Variants in PDE11A observed in about 807,000 individuals in gnomAD.
PDE11A encodes phosphodiesterase 11A, also known as dual 3',5'-cyclic-AMP and -GMP phosphodiesterase 11A.
In PDE11A, 100 loss-of-function variants were observed where a neutral mutation model predicts 100.5. The ratio of observed to expected loss-of-function variants is 1.00; its 90% CI spans 0.85 to 1.18. The LOEUF is 1.18. Ranked by LOEUF, PDE11A falls within the 50% of genes most tolerant of loss-of-function variation. PDE11A has a pLI of 0.00. For synonymous variants in PDE11A, 381 were observed against 420.8 expected (o/e 0.91, Z 1.16); for missense variants, 1,141 against 1,152.6 (o/e 0.99, Z 0.15).
At chr2:177,684,693 A>T (rs1266608190) in intron 15 of PDE11A, among the ~76,000 whole-genome samples, 1 of 152,194 alleles carries the variant, frequency 6.6e-6, no homozygotes, top group African/African-American at 2.4e-5. Context: ...TGTAGGGTTG[A>T]TGGGAGGATC....
At chr2:177,795,896 T>C (rs1397321239) in intron 9 of PDE11A, among the ~76,000 whole-genome samples, 1 of 140,716 alleles carries the variant, frequency 7.1e-6, no homozygotes, top group Non-Finnish European at 1.5e-5. Context: ...ATGTTGTCTC[T>C]GGGGATTGTA....
intron 9 of PDE11A, among the ~76,000 whole-genome samples, chr2:177,790,409 A>C (rs62184505): frequency 0.16 from 24,098 of 150,988 alleles, 2,035 homozygotes; most frequent in East Asian, 0.31. Flanking sequence ...TAAAGACTTA[A>C]ATGTTAGACC....
intron 2 of PDE11A, among the ~76,000 whole-genome samples, chr2:178,078,062 G>T (rs1435572): frequency 0.45 from 68,309 of 151,776 alleles, 16,788 homozygotes; most frequent in East Asian, 0.6. Flanking sequence ...GGAAACGAAT[G>T]CAAGAGCTTT....
chr2:177,644,555 G>A (rs2080194029), intron 19 of PDE11A, among the ~76,000 whole-genome samples: 1 of 152,172 alleles, frequency 6.6e-6, no homozygotes. Context: ...TAGGCAGAAG[G>A]GATTTGCCTT....
intron 2 of PDE11A, among the ~76,000 whole-genome samples, chr2:177,906,536 AAGCT>A (rs1225065731): frequency 2.0e-5 from 3 of 152,184 alleles, no homozygotes; most frequent in Non-Finnish European, 4.4e-5. Context: ...ATAAAAACTA[AAGCT>A]ATGACCTCAT....
chr2:177,927,838 C>T (rs2105760645), intron 2 of PDE11A, among the ~76,000 whole-genome samples: 1 of 152,258 alleles, frequency 6.6e-6, no homozygotes, highest in African/African-American at 2.4e-5. Flanking sequence ...GATACGGTGG[C>T]TCATGCCTGT....
intron 2 of PDE11A, among the ~76,000 whole-genome samples, chr2:177,926,305 G>A (rs2105759192): frequency 6.6e-6 from 1 of 152,196 alleles, no homozygotes; most frequent in East Asian, 1.9e-4. Context: ...AGGAATTTAT[G>A]TTTTCCTTCT....
intron 1 of PDE11A, among the ~76,000 whole-genome samples, chr2:178,063,811 T>G (rs1330711637): frequency 4.6e-5 from 7 of 152,180 alleles, no homozygotes; most frequent in African/African-American, 7.2e-5. Context: ...GGAGGGGCAT[T>G]CTCTCCAGGG....
At chr2:177,773,170 A>C (rs147224369) in intron 9 of PDE11A, among the ~76,000 whole-genome samples, 1 of 152,224 alleles carries the variant, frequency 6.6e-6, no homozygotes, top group Non-Finnish European at 1.5e-5. Context: ...ACAGGAACAC[A>C]CCACCACGCC....
intron 2 of PDE11A, among the ~76,000 whole-genome samples, chr2:177,919,619 A>G (rs1388286270): frequency 6.6e-6 from 1 of 152,168 alleles, no homozygotes; most frequent in Non-Finnish European, 1.5e-5. Context: ...TGGCTATAAA[A>G]TTTTTAATAA....
rs1485484618 is a variant in PDE11A, at chr2:177,626,357, A to G, written c.*3050T>C. On this transcript the variant is annotated 3_prime_UTR_variant, in exon 20 of 20. Transcript: ENST00000286063. ...ATTTGTCTGGGCTATTTATTTATTT[A>G]TTGTTGGGGAGGATAACAGATGTGG... The G allele has an allele frequency of 6.6e-6, 1 of 152,548 alleles. No homozygotes were observed. The highest frequency in any genetic ancestry group is 1.5e-5 in the Non-Finnish European group (1 of 68,026). 9.4% of individuals were successfully genotyped at this position (152,548 alleles called of 1,614,324 possible). A position where few individuals can be genotyped will look rare whatever the true frequency, so the allele number is the denominator to read the frequency against.
At chr2:177,904,556 C>CT (rs11333208) in intron 3 of PDE11A, among the ~76,000 whole-genome samples, 3,103 of 133,082 alleles carry the variant, frequency 0.023, 58 homozygotes, top group South Asian at 0.043. Context: ...TATTAATCTC[C>CT]TTTTTTTTTT....
intron 9 of PDE11A, among the ~76,000 whole-genome samples, chr2:177,786,542 G>C (rs769594516): frequency 6.6e-6 from 1 of 152,238 alleles, no homozygotes; most frequent in Non-Finnish European, 1.5e-5. Context: ...GACGGAGAAT[G>C]ACTTTGACGA....
Position 178,071,660 on chromosome 2 carries a change from C to T in PDE11A, c.778G>A (p.Val260Met), listed in dbSNP as rs1231208480. 1 of 1,613,460 alleles carries T rather than the reference C, an allele frequency of 6.2e-7. No individual in the cohort carries two copies. Among genetic ancestry groups the T allele is most frequent in the Non-Finnish European group, 8.5e-7 (1 of 1,179,376 alleles). ...GGCAGCAGAGGTGTTCCTGCATGCA[C>T]ATCAAAGAATTTGGAGACCAAGGTC... Reference protein sequence around the residue: ...KKTLVSKFFDVHAGTPLLPCS... With the variant: ...KKTLVSKFFDMHAGTPLLPCS... Residue 260 changes from valine to methionine, a missense_variant, in exon 1 of 20, where the codon GTG becomes ATG. Physicochemically the swap from Val to Met is conservative, Grantham distance 21. Transcript: ENST00000286063.
At chr2:177,804,766 A>G (rs557590831) in intron 9 of PDE11A, among the ~76,000 whole-genome samples, 29 of 152,064 alleles carry the variant, frequency 1.9e-4, no homozygotes, top group African/African-American at 6.5e-4. Flanking sequence ...GAATGAAACT[A>G]TGTCTTTTGC....
intron 14 of PDE11A, 32 bp from the exon 15 acceptor site, chr2:177,697,464 C>T (rs1329541885): frequency 2.0e-6 from 2 of 1,020,056 alleles, no homozygotes; most frequent in South Asian, 1.3e-5. Context: ...TCACAAAAGA[C>T]ATTAAATCTG....
chr2:177,981,684 T>C (rs2085884069), intron 2 of PDE11A, among the ~76,000 whole-genome samples: 1 of 150,874 alleles, frequency 6.6e-6, no homozygotes. Flanking sequence ...TCAACTTATC[T>C]TTTGCAGGGG....
intron 1 of PDE11A, among the ~76,000 whole-genome samples, chr2:178,046,209 TG>T (rs1220696294): frequency 6.6e-6 from 1 of 152,086 alleles, no homozygotes; most frequent in Admixed American, 6.6e-5. Context: ...TTAATTTTTT[TG>T]GGGGGGTTGG....
chr2:178,091,066 T>TTTTAC (rs2087416924), intron 2 of PDE11A, among the ~76,000 whole-genome samples: 1 of 151,836 alleles, frequency 6.6e-6, no homozygotes, highest in African/African-American at 2.4e-5. Context: ...CTAATATCTT[T>TTTTAC]TTTATTTTAT....
Sources: gnomAD v4.1 joint callset for allele counts (sites outside exome capture counted in the v4.1 genomes callset) on GRCh38, gnomAD v4.1.1 for gene constraint, MANE v1.5 for transcripts, NCBI Gene and HGNC (gene_info 2026-07-23, HGNC 2026-07-21) for gene names.